ELMOD1: variants seen among roughly 807,000 people sequenced by gnomAD.
The protein encoded by ELMOD1 is ELMO domain containing 1, also known as ELMO domain-containing protein 1.
In ELMOD1, 21 loss-of-function variants were observed where a neutral mutation model predicts 46.7. That is an observed-to-expected ratio of 0.45 (90% CI 0.32 to 0.65). The LOEUF is 0.65. Ranked by LOEUF, ELMOD1 falls within the 30% of genes least tolerant of loss-of-function variation. The pLI, the probability that ELMOD1 is intolerant of heterozygous loss-of-function variation, is 0.04. For synonymous variants in ELMOD1, 122 were observed against 138.2 expected, an observed-to-expected ratio of 0.88 and a Z score of 0.82; for missense variants, 348 against 407.8, an observed-to-expected ratio of 0.85 and a Z score of 1.26.
At chr11:107,627,032 C>T (rs962199960) in intron 2 of ELMOD1, among the ~76,000 whole-genome samples, 3 of 152,076 alleles carry the variant, frequency 2.0e-5, no homozygotes, top group African/African-American at 7.2e-5. Context: ...CCTGCCTGGA[C>T]CAGGTTTATA....
At chr11:107,646,157 A>G (rs1866423062) in intron 6 of ELMOD1, among the ~76,000 whole-genome samples, 1 of 152,250 alleles carries the variant, frequency 6.6e-6, no homozygotes, top group Non-Finnish European at 1.5e-5. Flanking sequence ...TTACATATTT[A>G]TACAATTATG....
intron 9 of ELMOD1, among the ~76,000 whole-genome samples, chr11:107,651,834 A>C (rs1048229838): frequency 1.3e-5 from 2 of 152,192 alleles, no homozygotes; most frequent in African/African-American, 4.8e-5. Context: ...GGAAAGTGAC[A>C]ATAAGCTCGC....
Position 107,665,965 on chromosome 11 carries a change from A to ATAAT in ELMOD1, c.*771_*772insTTAA, listed in dbSNP as rs1368714665. The stretch of plus-strand genomic sequence containing the variant: ...GACAGAGCAAGACTCCATCTCAAAA[A>ATAAT]TAAATAAATAAATAAATAAATAAAT... On this transcript the variant is annotated 3_prime_UTR_variant, in exon 12 of 12. Coordinates refer to ENST00000265840, the MANE Select transcript of ELMOD1 (RefSeq NM_018712.4). 5 of 1,852 alleles carry ATAAT rather than the reference A, an allele frequency of 2.7e-3. No homozygotes were observed. The highest frequency in any genetic ancestry group is 0.023 in the Admixed American group (3 of 132). The allele number at this position is 1,852 out of a possible 1,614,324, so 0.1% of individuals were successfully genotyped here.
intron 6 of ELMOD1, among the ~76,000 whole-genome samples, chr11:107,638,648 T>C (rs892161314): frequency 6.6e-6 from 1 of 152,204 alleles, no homozygotes; most frequent in Non-Finnish European, 1.5e-5. Context: ...CAGAACTGTT[T>C]AGAGCAAAAG....
intron 6 of ELMOD1, among the ~76,000 whole-genome samples, chr11:107,646,629 A>G (rs1206754320): frequency 2.0e-5 from 3 of 152,040 alleles, no homozygotes; most frequent in Non-Finnish European, 4.4e-5. Context: ...CAGCTACTCC[A>G]GAGACGGAGG....
Position 107,666,364 on chromosome 11 carries a change from G to T in ELMOD1, c.*1167G>T, listed in dbSNP as rs1007085806. On this transcript the variant is annotated 3_prime_UTR_variant, in exon 12 of 12. Coordinates refer to ENST00000265840, the MANE Select transcript of ELMOD1 (RefSeq NM_018712.4). ...TCTGATCCAAGCATATTTGCTTGGG[G>T]AACTAAGTGCTGACTAGTTTGTTTT... 6.6e-6 allele frequency: 1 copy of T among 152,190 alleles called. No individual in the cohort carries two copies. Among genetic ancestry groups the T allele is most frequent in the South Asian group, 2.1e-4 (1 of 4,832 alleles). The allele number at this position is 152,190 out of a possible 1,614,324, so 9.4% of individuals were successfully genotyped here.
In ELMOD1 at chr11:107,615,117, G is replaced by A. The variant is rs186381355; in HGVS notation, c.-85-2988G>A. ...CCTAGTGCCTCACTATGTCTAGAGC[G>A]TAGCAGGCATTAACATATTTTATAA... On this transcript the variant is annotated intron_variant, in intron 1 of 11. Coordinates refer to ENST00000265840, the MANE Select transcript of ELMOD1 (RefSeq NM_018712.4). 1.5e-4 allele frequency among the ~76,000 whole-genome samples: 23 copies of A among 151,916 alleles called. No individual in the cohort carries two copies. In the East Asian group the frequency reaches 1.5e-3, roughly 10 times the overall value.
chr11:107,661,119 T>A (rs913563453), intron 11 of ELMOD1, among the ~76,000 whole-genome samples: 1 of 152,222 alleles, frequency 6.6e-6, no homozygotes, highest in Non-Finnish European at 1.5e-5. Context: ...TTACTTATTT[T>A]CCTGATGGGA....
At chr11:107,630,137 T>C (rs923868316) in intron 2 of ELMOD1, among the ~76,000 whole-genome samples, 2 of 152,136 alleles carry the variant, frequency 1.3e-5, no homozygotes, top group African/African-American at 4.8e-5. Context: ...ACTTCCAAGA[T>C]GGTTTTAGGC....
intron 1 of ELMOD1, among the ~76,000 whole-genome samples, chr11:107,613,222 A>G (rs114671460): frequency 1.9e-3 from 290 of 152,316 alleles, no homozygotes; most frequent in African/African-American, 6.8e-3. Context: ...TTATAATACT[A>G]ATAATAAATA....
At chr11:107,601,347 C>A (rs996206365) in intron 1 of ELMOD1, among the ~76,000 whole-genome samples, 3 of 145,152 alleles carry the variant, frequency 2.1e-5, no homozygotes, top group Admixed American at 6.8e-5. Context: ...TTTTGCACAA[C>A]TTTTTGTTTT....
At chr11:107,592,489 TG>T (rs369940528) in intron 1 of ELMOD1, 64 of 530,702 alleles carry the variant, frequency 1.2e-4, no homozygotes, top group African/African-American at 1.1e-3. Context: ...GCTGCCAATA[TG>T]GTGGAAAGCA....
intron 10 of ELMOD1, among the ~76,000 whole-genome samples, chr11:107,654,659 C>G (rs563228748): frequency 6.6e-6 from 1 of 151,746 alleles, no homozygotes; most frequent in East Asian, 1.9e-4. Flanking sequence ...GTCCCAGCTA[C>G]TCGGGAGGCT....
At chr11:107,631,253 C>G (rs981704771) in intron 4 of ELMOD1, among the ~76,000 whole-genome samples, 3 of 151,890 alleles carry the variant, frequency 2.0e-5, no homozygotes, top group African/African-American at 7.3e-5. Flanking sequence ...AAACATAATA[C>G]CCCTTAACAA....
At chr11:107,641,305 G>GA (rs564779191) in intron 6 of ELMOD1, among the ~76,000 whole-genome samples, 1 of 135,356 alleles carries the variant, frequency 7.4e-6, no homozygotes, top group Admixed American at 7.2e-5. Flanking sequence ...AAAGAAAAAA[G>GA]AAAAAAAATA....
chr11:107,664,943 T>C (rs1565395030), intron 11 of ELMOD1, 82 bp from the exon 12 acceptor site: 4 of 1,354,256 alleles, frequency 3.0e-6, no homozygotes, highest in East Asian at 2.3e-5. Flanking sequence ...TTCAGCATCT[T>C]CCTCAGCATT....
Position 107,640,376 on chromosome 11 carries a change from A to G in ELMOD1, c.420+4611A>G, listed in dbSNP as rs76405544. 9.3e-3 allele frequency among the ~76,000 whole-genome samples: 1,409 copies of G among 152,312 alleles called. 15 individuals are homozygous for G. Among genetic ancestry groups the G allele is most frequent in the African/African-American group, 0.031 (1,290 of 41,556 alleles). ...TTTACAATACCATTAATATAAATGC[A>G]TAATTTCGAAGTCAACATTCATTTC... is the stretch of plus-strand genomic sequence containing the variant. On this transcript the variant is annotated intron_variant, in intron 6 of 11. Coordinates refer to ENST00000265840, the MANE Select transcript of ELMOD1 (RefSeq NM_018712.4).
intron 1 of ELMOD1, among the ~76,000 whole-genome samples, chr11:107,601,055 A>G (rs1865589228): frequency 6.6e-6 from 1 of 152,166 alleles, no homozygotes; most frequent in South Asian, 2.1e-4. Flanking sequence ...TATTGCTACA[A>G]GACTTATAAT....
intron 9 of ELMOD1, among the ~76,000 whole-genome samples, chr11:107,653,082 C>A (rs1048586104): frequency 1.3e-5 from 2 of 152,028 alleles, no homozygotes; most frequent in Non-Finnish European, 2.9e-5. Flanking sequence ...TGAATGGTGC[C>A]TCCTTATTTG....
Sources: allele counts gnomAD v4.1 joint callset (sites outside exome capture counted in the v4.1 genomes callset), GRCh38; gene constraint gnomAD v4.1.1; transcripts MANE v1.5; gene names NCBI Gene and HGNC (gene_info 2026-07-23, HGNC 2026-07-21).